The following EEFSEC variants were observed in gnomAD, a reference collection of about 807,000 sequenced individuals.
EEFSEC encodes the protein eukaryotic elongation factor, selenocysteine-tRNA specific.
Under a neutral mutation model 42.1 loss-of-function variants are expected in EEFSEC, and 43 were observed. That is an observed-to-expected ratio of 1.02 (90% CI 0.80 to 1.32). The LOEUF is 1.32. Ranked by LOEUF, EEFSEC falls within the 40% of genes most tolerant of loss-of-function variation. The pLI is 0.00. For missense variants in EEFSEC, 745 were observed against 803.6 expected (o/e 0.93, Z 0.88); for synonymous variants, 354 against 339.1 (o/e 1.04, Z -0.48).
intron 4 of EEFSEC, among the ~76,000 whole-genome samples, chr3:128,272,434 G>A (rs1360706384): frequency 1.3e-5 from 2 of 152,140 alleles, no homozygotes; most frequent in Admixed American, 1.3e-4. Flanking sequence ...AGGATGTGAC[G>A]CCTGGACTCA....
At chr3:128,260,424 A>G (rs987513183) in intron 2 of EEFSEC, among the ~76,000 whole-genome samples, 5 of 152,248 alleles carry the variant, frequency 3.3e-5, no homozygotes, top group African/African-American at 1.2e-4. Flanking sequence ...GCTATTAAAT[A>G]TCACAGCTTC....
At chr3:128,416,763 G>A in the EEFSEC span, among the ~76,000 whole-genome samples, 6 of 152,076 alleles carry the variant, frequency 3.9e-5, no homozygotes, top group African/African-American at 1.2e-4. Context: ...CTGTCCCCAC[G>A]AAGGGAATGA....
intron 1 of EEFSEC, among the ~76,000 whole-genome samples, chr3:128,184,670 G>T (rs1476227533): frequency 6.6e-6 from 1 of 152,106 alleles, no homozygotes; most frequent in Non-Finnish European, 1.5e-5. Flanking sequence ...CTTAAATTTT[G>T]TGAGTATTGT....
intron 1 of EEFSEC, among the ~76,000 whole-genome samples, chr3:128,210,695 A>G (rs574567489): frequency 1.3e-5 from 2 of 152,348 alleles, no homozygotes; most frequent in African/African-American, 4.8e-5. Context: ...GCCAATTCCT[A>G]CGGATTTCCC....
rs1049655901 is a variant in EEFSEC at position 128,153,841 on chromosome 3, C to G, written c.316+18C>G. The stretch of plus-strand genomic sequence containing the variant: ...CATCGGCGGTGAGCGCGGGCCGGGG[C>G]GGGAGCCGGGCTCAGGGACGCGGGC... On this transcript the variant is annotated intron_variant, in intron 1 of 6. Coordinates refer to ENST00000254730, the MANE Select transcript of EEFSEC (RefSeq NM_021937.5). The G allele has an allele frequency of 1.6e-5, 24 of 1,492,854 alleles. No individual in the cohort carries two copies. In the Admixed American group the frequency reaches 5.3e-4, roughly 33 times the overall value. 92.5% of individuals were successfully genotyped at this position (1,492,854 alleles called of 1,614,324 possible). A position where few individuals can be genotyped will look rare whatever the true frequency, so the allele number is the denominator to read the frequency against.
chr3:128,260,262 T>C lies in EEFSEC; in HGVS notation c.525-1866T>C, dbSNP rs149736401. Among the ~76,000 whole-genome samples, 380 of 152,340 alleles carry C rather than the reference T, an allele frequency of 2.5e-3. 3 individuals are homozygous for C. The highest frequency in any genetic ancestry group is 2.0e-3 in the Non-Finnish European group (139 of 68,028). On this transcript the variant is annotated intron_variant, in intron 2 of 6. Coordinates refer to ENST00000254730, the MANE Select transcript of EEFSEC (RefSeq NM_021937.5). ...CCTTGTACATGAGTTCAGTCGCTTC[T>C]TTCTTGATGGCTTCAAGATTCTCTT...
chr3:128,421,681 T>TG, the EEFSEC span, among the ~76,000 whole-genome samples: 1,174 of 148,896 alleles, frequency 7.9e-3, 17 homozygotes, highest in African/African-American at 0.024. Flanking sequence ...ATGAGCGGGG[T>TG]GGGGGGGCGC....
At chr3:128,237,698 A>G (rs182723353) in intron 1 of EEFSEC, among the ~76,000 whole-genome samples, 3 of 151,962 alleles carry the variant, frequency 2.0e-5, no homozygotes, top group Admixed American at 6.5e-5. Flanking sequence ...CAACACCTCT[A>G]TTTGTCTGCT....
intron 4 of EEFSEC, among the ~76,000 whole-genome samples, chr3:128,320,293 T>A (rs1023234875): frequency 2.0e-5 from 3 of 152,262 alleles, no homozygotes; most frequent in Admixed American, 2.0e-4. Context: ...TCTCTTTTAC[T>A]TTCATTGTCA....
At position 128,334,411 on chromosome 3, in the gene EEFSEC, C is replaced by A. The variant is rs536134175; in HGVS notation, c.787-6822C>A. On this transcript the variant is annotated intron_variant, in intron 4 of 6. Transcript: ENST00000254730. ...GCTGCCAGCACCCTGACTGGCTGAG[C>A]CCCGAGTCTGGCAGGGCAGGGTGTG... 2.6e-4 allele frequency among the ~76,000 whole-genome samples: 40 copies of A among 152,336 alleles called. 1 individual carries two copies. The South Asian group carries it at 6.0e-3, about 23-fold the overall frequency.
At chr3:128,181,898 CCGCCT>C (rs1458431199) in intron 1 of EEFSEC, among the ~76,000 whole-genome samples, 1 of 152,236 alleles carries the variant, frequency 6.6e-6, no homozygotes, top group Non-Finnish European at 1.5e-5. Flanking sequence ...ACTGGAACCT[CCGCCT>C]CCCGGGTTCA....
chr3:128,381,657 G>A (rs1434083610), intron 6 of EEFSEC, among the ~76,000 whole-genome samples: 1 of 152,218 alleles, frequency 6.6e-6, no homozygotes, highest in African/African-American at 2.4e-5. Flanking sequence ...TTCCACAGAA[G>A]GGGTAGTTGG....
chr3:128,399,919 GCAC>G (rs2068029449), intron 6 of EEFSEC, among the ~76,000 whole-genome samples: 1 of 152,152 alleles, frequency 6.6e-6, no homozygotes, highest in African/African-American at 2.4e-5. Flanking sequence ...AGACTCAGCT[GCAC>G]CACAACTGCC....
the EEFSEC span, among the ~76,000 whole-genome samples, chr3:128,419,952 C>T: frequency 6.6e-5 from 10 of 152,014 alleles, no homozygotes; most frequent in East Asian, 5.8e-4. Flanking sequence ...ATGGCCGCAG[C>T]GGGAGGGGGG....
chr3:128,229,446 C>T (rs2065938762), intron 1 of EEFSEC, among the ~76,000 whole-genome samples: 1 of 152,220 alleles, frequency 6.6e-6, no homozygotes, highest in Admixed American at 6.5e-5. Context: ...TTCCCCACCC[C>T]CACCATGGGC....
At chr3:128,231,186 G>T (rs2065956001) in intron 1 of EEFSEC, among the ~76,000 whole-genome samples, 1 of 152,206 alleles carries the variant, frequency 6.6e-6, no homozygotes, top group Admixed American at 6.5e-5. Flanking sequence ...TCTCATACCT[G>T]GATGGGTTGT....
chr3:128,160,874 A>G (rs576266246), intron 1 of EEFSEC, among the ~76,000 whole-genome samples: 36 of 152,248 alleles, frequency 2.4e-4, no homozygotes, highest in Non-Finnish European at 2.5e-4. Flanking sequence ...CCCTTGATGC[A>G]TGTGGCCACA....
chr3:128,200,203 G>T (rs2811485), intron 1 of EEFSEC, among the ~76,000 whole-genome samples: 64,129 of 151,730 alleles, frequency 0.42, 16,198 homozygotes, highest in African/African-American at 0.71. Flanking sequence ...CTTTCACTCT[G>T]GATATATTTA....
chr3:128,183,201 A>C (rs1288862076), intron 1 of EEFSEC, among the ~76,000 whole-genome samples: 1 of 152,170 alleles, frequency 6.6e-6, no homozygotes, highest in Non-Finnish European at 1.5e-5. Context: ...CTAGTACTTT[A>C]TTGAGCTTTG....
Sources: allele counts gnomAD v4.1 joint callset (sites outside exome capture counted in the v4.1 genomes callset), GRCh38; gene constraint gnomAD v4.1.1; transcripts MANE v1.5; gene names NCBI Gene and HGNC (gene_info 2026-07-23, HGNC 2026-07-21).